Variants in SGCZ observed in about 807,000 individuals in gnomAD.
The protein encoded by SGCZ is zeta-sarcoglycan.
In SGCZ, 40 loss-of-function variants were observed where a neutral mutation model predicts 41.3. That is an observed-to-expected ratio of 0.97 (90% confidence interval 0.75 to 1.26). The LOEUF is 1.26. SGCZ is among the 50% of genes most tolerant of loss of function. SGCZ has a pLI of 0.00. For synonymous variants in SGCZ, 206 were observed against 137.5 expected, an observed-to-expected ratio of 1.50 and a Z score of -3.49; for missense variants, 552 against 369.8, an observed-to-expected ratio of 1.49 and a Z score of -4.04.
intron 1 of SGCZ, among the ~76,000 whole-genome samples, chr8:15,165,243 C>T (rs1346036190): frequency 6.6e-6 from 1 of 152,076 alleles, no homozygotes; most frequent in African/African-American, 2.4e-5. Context: ...GCCGAGATCA[C>T]GCCACTGCTG....
chr8:14,321,896 G>T (rs12056408), intron 3 of SGCZ, among the ~76,000 whole-genome samples: 4 of 152,068 alleles, frequency 2.6e-5, no homozygotes, highest in African/African-American at 4.8e-5. Flanking sequence ...TAACCTAAGA[G>T]TTAAGCACTT....
chr8:14,482,048 G>A (rs992763558), intron 2 of SGCZ, among the ~76,000 whole-genome samples: 1 of 152,162 alleles, frequency 6.6e-6, no homozygotes, highest in Non-Finnish European at 1.5e-5. Context: ...AAATGCTATT[G>A]CAGGAGGACT....
At chr8:14,694,653 T>C (rs1468227248) in intron 1 of SGCZ, among the ~76,000 whole-genome samples, 4 of 152,198 alleles carry the variant, frequency 2.6e-5, no homozygotes, top group Non-Finnish European at 5.9e-5. Context: ...CTCCCACATC[T>C]AACACGGTGC....
intron 1 of SGCZ, among the ~76,000 whole-genome samples, chr8:14,960,302 T>C (rs1004283818): frequency 6.6e-6 from 1 of 152,140 alleles, no homozygotes; most frequent in Non-Finnish European, 1.5e-5. Context: ...CTTGGCTTGA[T>C]TATTTTATTG....
intron 1 of SGCZ, among the ~76,000 whole-genome samples, chr8:14,800,822 T>C (rs972788175): frequency 6.6e-6 from 1 of 152,146 alleles, no homozygotes; most frequent in Non-Finnish European, 1.5e-5. Flanking sequence ...ACTAATACAC[T>C]ATACTACTCA....
intron 2 of SGCZ, among the ~76,000 whole-genome samples, chr8:14,361,138 G>C (rs770599852): frequency 6.6e-6 from 1 of 151,992 alleles, no homozygotes; most frequent in Admixed American, 6.6e-5. Flanking sequence ...TTGTTTCTTT[G>C]TTAAGCTGCT....
chr8:14,606,558 A>T (rs567658524), intron 1 of SGCZ, among the ~76,000 whole-genome samples: 1 of 152,192 alleles, frequency 6.6e-6, no homozygotes, highest in Non-Finnish European at 1.5e-5. Context: ...CAACCAAATC[A>T]GTCCCTTTGT....
rs771676672 is a variant in SGCZ, at chr8:14,656,576, T to C, written c.40-101650A>G. ...CTTTTTCTTTCTTTTCCTTCCCTGC[T>C]TCTTTTCTTCTCTTCTCTCCTCTCC... On this transcript the variant is annotated intron_variant, in intron 1 of 7. Coordinates refer to ENST00000382080, the MANE Select transcript of SGCZ (RefSeq NM_139167.4). 2.1e-4 allele frequency among the ~76,000 whole-genome samples: 31 copies of C among 144,596 alleles called. 1 individual carries two copies. Among genetic ancestry groups the C allele is most frequent in the Admixed American group, 4.2e-4 (6 of 14,280 alleles). 94.9% of individuals were successfully genotyped at this position (144,596 alleles called of 152,430 possible).
intron 2 of SGCZ, among the ~76,000 whole-genome samples, chr8:14,377,231 C>A (rs972888856): frequency 1.3e-5 from 2 of 152,138 alleles, no homozygotes; most frequent in Non-Finnish European, 2.9e-5. Context: ...ATCATGCTTC[C>A]TAATAGAACT....
intron 2 of SGCZ, among the ~76,000 whole-genome samples, chr8:14,396,891 G>C (rs768736725): frequency 1.3e-5 from 2 of 152,078 alleles, no homozygotes; most frequent in African/African-American, 4.8e-5. Context: ...CAGAGGACCA[G>C]ATTGGCTTAT....
At chr8:14,635,885 G>A (rs1806810667) in intron 1 of SGCZ, among the ~76,000 whole-genome samples, 2 of 151,656 alleles carry the variant, frequency 1.3e-5, no homozygotes, top group Admixed American at 1.3e-4. Flanking sequence ...ATTTTACTTG[G>A]GGCGTTATTT....
chr8:14,938,182 T>C (rs1335983958), intron 1 of SGCZ, among the ~76,000 whole-genome samples: 1 of 152,220 alleles, frequency 6.6e-6, no homozygotes, highest in East Asian at 1.9e-4. Context: ...ATTATGTTCA[T>C]CTACTTTTAT....
intron 3 of SGCZ, among the ~76,000 whole-genome samples, chr8:14,264,728 G>A (rs1015412925): frequency 1.4e-4 from 21 of 152,166 alleles, no homozygotes; most frequent in African/African-American, 4.8e-4. Context: ...TTGGGAGTCC[G>A]AGGCGGGCGG....
chr8:14,970,951 G>C (rs1801274758), intron 1 of SGCZ, among the ~76,000 whole-genome samples: 1 of 151,964 alleles, frequency 6.6e-6, no homozygotes, highest in South Asian at 2.1e-4. Flanking sequence ...CTATAATATA[G>C]GTATTTTTCA....
At chr8:14,719,933 C>T (rs1809824749) in intron 1 of SGCZ, among the ~76,000 whole-genome samples, 2 of 151,954 alleles carry the variant, frequency 1.3e-5, no homozygotes, top group South Asian at 4.2e-4. Flanking sequence ...CTTGTCCATG[C>T]CTATGTCCTG....
intron 1 of SGCZ, among the ~76,000 whole-genome samples, chr8:14,781,561 C>A (rs1196545051): frequency 6.6e-6 from 1 of 152,042 alleles, no homozygotes; most frequent in Non-Finnish European, 1.5e-5. Context: ...CCTTTCAAAA[C>A]TTATTACCAA....
chr8:14,412,286 T>C (rs1159756864), intron 2 of SGCZ, among the ~76,000 whole-genome samples: 1 of 152,100 alleles, frequency 6.6e-6, no homozygotes, highest in Non-Finnish European at 1.5e-5. Context: ...CCTAAGGTAT[T>C]TTTATAAGGG....
rs538704850 is a variant in SGCZ, at chr8:14,740,716, G to A, written c.40-185790C>T. Among the ~76,000 whole-genome samples the A allele has an allele frequency of 2.6e-5, 4 of 152,010 alleles. No individual in the cohort carries two copies. In the South Asian group the frequency reaches 8.3e-4, roughly 32 times the overall value. On this transcript the variant is annotated intron_variant, in intron 1 of 7. Coordinates refer to ENST00000382080, the MANE Select transcript of SGCZ (RefSeq NM_139167.4). ...CTTATGCCATATTTCAGATCACAAAGGGGAATAAAATTATCTATTTAATTT... is the reference window on the plus strand; with the variant it reads ...CTTATGCCATATTTCAGATCACAAAAGGGAATAAAATTATCTATTTAATTT...
chr8:14,654,204 G>A (rs1020664042), intron 1 of SGCZ, among the ~76,000 whole-genome samples: 2 of 150,860 alleles, frequency 1.3e-5, no homozygotes, highest in Admixed American at 1.3e-4. Context: ...TAAAATAATG[G>A]GTAACATATG....
Sources: allele counts gnomAD v4.1 joint callset (sites outside exome capture counted in the v4.1 genomes callset), GRCh38; gene constraint gnomAD v4.1.1; transcripts MANE v1.5; gene names NCBI Gene and HGNC (gene_info 2026-07-23, HGNC 2026-07-21).